VWA8: variants seen among roughly 807,000 people sequenced by gnomAD.
VWA8 encodes the protein von Willebrand factor A domain-containing protein 8.
Under a neutral mutation model 241.5 loss-of-function variants are expected in VWA8, and 221 were observed. That is an observed-to-expected ratio of 0.91 (90% confidence interval 0.82 to 1.02). VWA8 has a LOEUF of 1.02. Ranked by LOEUF, VWA8 falls within the 50% of genes least tolerant of loss-of-function variation. The pLI is 0.00. For missense variants in VWA8, 2,322 were observed against 2,328.7 expected (o/e 1.00, Z 0.06); for synonymous variants, 852 against 827.1 (o/e 1.03, Z -0.52).
chr13:41,596,031 A>G (rs1477969647), intron 40 of VWA8, among the ~76,000 whole-genome samples: 1 of 152,150 alleles, frequency 6.6e-6, no homozygotes, highest in Non-Finnish European at 1.5e-5. Context: ...CTTTTGGTGT[A>G]CAGTATACTC....
At chr13:41,873,134 C>T (rs193182867) in intron 9 of VWA8, among the ~76,000 whole-genome samples, 10,117 of 151,940 alleles carry the variant, frequency 0.067, 453 homozygotes, top group Non-Finnish European at 0.098. Context: ...TTGAAACCAA[C>T]GAGAACAAAG....
At chr13:41,703,006 C>A (rs1175775629) in intron 27 of VWA8, among the ~76,000 whole-genome samples, 5 of 152,050 alleles carry the variant, frequency 3.3e-5, no homozygotes, top group African/African-American at 1.2e-4. Context: ...TAAAAAGAGG[C>A]CAAAAATCAA....
chr13:41,785,006 C>A (rs141641928), intron 18 of VWA8, among the ~76,000 whole-genome samples: 1 of 151,644 alleles, frequency 6.6e-6, no homozygotes, highest in East Asian at 1.9e-4. Flanking sequence ...TAATAAAGCT[C>A]TTGAAATCAG....
chr13:41,853,945 T>C (rs1593818694), intron 12 of VWA8, among the ~76,000 whole-genome samples: 1 of 152,172 alleles, frequency 6.6e-6, no homozygotes, highest in Admixed American at 6.5e-5. Flanking sequence ...GAGAGACAAA[T>C]TGCTGTTTCA....
At chr13:41,913,014 G>A (rs934138491) in intron 2 of VWA8, among the ~76,000 whole-genome samples, 4 of 151,828 alleles carry the variant, frequency 2.6e-5, no homozygotes, top group Admixed American at 1.3e-4. Flanking sequence ...AAATAAAACT[G>A]GAGACAGAAC....
In VWA8 at chr13:41,824,808, C is replaced by T. The variant is rs372422899; in HGVS notation, c.1701-5422G>A. On this transcript the variant is annotated intron_variant, in intron 14 of 44. Coordinates refer to ENST00000379310, the MANE Select transcript of VWA8 (RefSeq NM_015058.2). ...ACCTCAGCCTGGGTGAAAGATGAGA[C>T]CCTATCGAAAAGAAAAAGAAACAGA... 1.9e-3 allele frequency among the ~76,000 whole-genome samples: 276 copies of T among 148,782 alleles called. 1 individual carries two copies. The highest frequency in any genetic ancestry group is 5.7e-3 in the African/African-American group (231 of 40,286).
chr13:41,864,222 GA>G (rs1408017959), intron 12 of VWA8, among the ~76,000 whole-genome samples: 1 of 151,776 alleles, frequency 6.6e-6, no homozygotes, highest in African/African-American at 2.4e-5. Context: ...TGGTGGGAAT[GA>G]AAATGGTGCA....
At chr13:41,654,735 G>A (rs1020948378) in intron 37 of VWA8, among the ~76,000 whole-genome samples, 1 of 152,180 alleles carries the variant, frequency 6.6e-6, no homozygotes, top group Non-Finnish European at 1.5e-5. Context: ...TTATTGTGAT[G>A]TTCCTGCCAA....
chr13:41,848,952 G>A (rs962643155), intron 12 of VWA8, among the ~76,000 whole-genome samples: 10 of 152,212 alleles, frequency 6.6e-5, no homozygotes, highest in African/African-American at 2.4e-4. Context: ...AGTCAATAGA[G>A]TGTAAAATCA....
intron 21 of VWA8, among the ~76,000 whole-genome samples, chr13:41,736,346 T>C (rs2045524716): frequency 6.6e-6 from 1 of 152,208 alleles, no homozygotes; most frequent in South Asian, 2.1e-4. Context: ...AAAGTCTTTT[T>C]AAAAATTAGA....
chr13:41,855,174 G>GA (rs1274390605), intron 12 of VWA8, among the ~76,000 whole-genome samples: 1 of 151,750 alleles, frequency 6.6e-6, no homozygotes, highest in Non-Finnish European at 1.5e-5. Context: ...GAAATGAGTG[G>GA]AAAGCTTAGA....
intron 20 of VWA8, among the ~76,000 whole-genome samples, chr13:41,764,653 A>G (rs1013808847): frequency 8.5e-5 from 13 of 152,114 alleles, no homozygotes; most frequent in African/African-American, 2.9e-4. Flanking sequence ...TACAGGTAGA[A>G]CAGTATGTGT....
intron 4 of VWA8, among the ~76,000 whole-genome samples, chr13:41,906,154 A>G (rs1035809793): frequency 1.3e-5 from 2 of 152,178 alleles, no homozygotes; most frequent in African/African-American, 4.8e-5. Context: ...TTCTTTTGTA[A>G]TTAATAAGTA....
chr13:41,957,252 C>T (rs1219232687), intron 1 of VWA8, among the ~76,000 whole-genome samples: 1 of 152,156 alleles, frequency 6.6e-6, no homozygotes, highest in Non-Finnish European at 1.5e-5. Context: ...GTGAAAAAGT[C>T]TCACGAGGTC....
rs559640645 is a variant in VWA8, at chr13:41,708,794, G to T, written c.3117-5383C>A. Among the ~76,000 whole-genome samples, 7 of 152,288 alleles carry T rather than the reference G, an allele frequency of 4.6e-5. No individual in the cohort carries two copies. The East Asian group carries it at 1.4e-3, about 29-fold the overall frequency. On this transcript the variant is annotated intron_variant, in intron 26 of 44. Transcript: ENST00000379310. ...AAATATACTCCCCGATACCCAGAATGACACTGTAGTTTAGTGCTGTTGCCC... is the reference window on the plus strand; with the variant it reads ...AAATATACTCCCCGATACCCAGAATTACACTGTAGTTTAGTGCTGTTGCCC...
chr13:41,655,139 G>T (rs1297135708), intron 37 of VWA8, among the ~76,000 whole-genome samples: 1 of 151,480 alleles, frequency 6.6e-6, no homozygotes, highest in Non-Finnish European at 1.5e-5. Context: ...GCCCAAGATG[G>T]AGTGCAGCGG....
chr13:41,921,287 T>G (rs1876520824), intron 2 of VWA8, among the ~76,000 whole-genome samples: 1 of 152,180 alleles, frequency 6.6e-6, no homozygotes, highest in African/African-American at 2.4e-5. Flanking sequence ...GGGATGTATC[T>G]CAAAATAATA....
chr13:41,606,713 T>C (rs1298998548), intron 39 of VWA8, among the ~76,000 whole-genome samples: 3 of 152,166 alleles, frequency 2.0e-5, no homozygotes, highest in African/African-American at 4.8e-5. Flanking sequence ...GAAAAATCCA[T>C]TCACCATGGG....
At chr13:41,703,501 T>C (rs2045263669) in intron 26 of VWA8, 90 bp from the exon 27 acceptor site, 1 of 1,107,386 alleles carries the variant, frequency 9.0e-7, no homozygotes, top group African/African-American at 1.6e-5. Flanking sequence ...ACCACACAAA[T>C]AAATTTGAAG....
Sources: gnomAD v4.1 joint callset for allele counts (sites outside exome capture counted in the v4.1 genomes callset) on GRCh38, gnomAD v4.1.1 for gene constraint, MANE v1.5 for transcripts, NCBI Gene and HGNC (gene_info 2026-07-23, HGNC 2026-07-21) for gene names.